Variants in DMXL1 observed in about 807,000 individuals in gnomAD.
DMXL1 encodes Dmx like 1.
A neutral mutation model predicts 319.2 loss-of-function variants in DMXL1; 99 were observed. The observed-to-expected ratio is 0.31, with a 90% CI of 0.26 to 0.37. The LOEUF (loss-of-function observed/expected upper bound fraction) is 0.37, where lower values mean the gene tolerates loss of function less well. Among genes scored for constraint, DMXL1 ranks in the 10% least tolerant of loss-of-function variants. DMXL1 has a pLI of 1.00. For missense variants in DMXL1, 3,745 were observed against 3,595.6 expected, an observed-to-expected ratio of 1.04 and a Z score of -1.06; for synonymous variants, 1,385 against 1,235.2, an observed-to-expected ratio of 1.12 and a Z score of -2.54.
chr5:119,139,370 T>TC (rs976901939), intron 13 of DMXL1, among the ~76,000 whole-genome samples: 19 of 152,122 alleles, frequency 1.2e-4, no homozygotes, highest in African/African-American at 1.4e-4. Flanking sequence ...TATGTGGTCT[T>TC]CAAGAGACCC....
At chr5:119,147,133 T>C in intron 16 of DMXL1, 116 bp from the exon 17 acceptor site, 1 of 1,108,636 alleles carries the variant, frequency 9.0e-7, no homozygotes, top group East Asian at 2.6e-5. Context: ...AGAATCATAT[T>C]AATATGTTTA....
At chr5:119,087,682 G>A (rs1015453915) in intron 1 of DMXL1, among the ~76,000 whole-genome samples, 7 of 152,154 alleles carry the variant, frequency 4.6e-5, no homozygotes, top group South Asian at 2.1e-4. Flanking sequence ...CTAGTGTATC[G>A]TTTAACTGAT....
rs750577125 is a variant in DMXL1 at position 119,133,552 on chromosome 5, G to C, written c.1628G>C (p.Cys543Ser). The change falls in exon 12 of 44, where the codon TGT becomes TCT. Residue 543 changes from cysteine to serine, a missense_variant. By Grantham distance (112) the Cys-to-Ser change is moderately radical. Transcript: ENST00000539542. ...AFPTGDANSLCKSIMMYACTK... is the reference protein window; with the variant it reads ...AFPTGDANSLSKSIMMYACTK... Reference sequence around the variant, plus strand: ...CCCACAGGTGATGCAAACTCTCTCTGTAAAAGCATAATGATGTATGCCTGT... The same window carrying C: ...CCCACAGGTGATGCAAACTCTCTCTCTAAAAGCATAATGATGTATGCCTGT... 11 of 1,613,644 alleles carry C rather than the reference G, an allele frequency of 6.8e-6. No individual in the cohort carries two copies. Among genetic ancestry groups the C allele is most frequent in the Non-Finnish European group, 9.3e-6 (11 of 1,179,970 alleles).
chr5:119,108,432 AT>A (rs1405557758), intron 4 of DMXL1, among the ~76,000 whole-genome samples: 1 of 150,800 alleles, frequency 6.6e-6, no homozygotes, highest in Admixed American at 6.6e-5. Context: ...TCTTTTTTTC[AT>A]TTTTTCTTGA....
intron 4 of DMXL1, among the ~76,000 whole-genome samples, chr5:119,109,878 T>A (rs1193065511): frequency 2.6e-5 from 4 of 152,188 alleles, no homozygotes; most frequent in Non-Finnish European, 4.4e-5. Flanking sequence ...ACGACAATGT[T>A]TTGTTTGTCA....
chr5:119,183,474 C>A (rs1469194807), intron 28 of DMXL1, among the ~76,000 whole-genome samples: 1 of 152,168 alleles, frequency 6.6e-6, no homozygotes, highest in African/African-American at 2.4e-5. Context: ...GGAATACTTT[C>A]CTTTTCTTTT....
chr5:119,197,643 GTCTT>G (rs1218461778), intron 31 of DMXL1, 108 bp from the exon 32 acceptor site: 2 of 962,822 alleles, frequency 2.1e-6, no homozygotes, highest in Admixed American at 4.8e-5. Context: ...TTTCATCTCA[GTCTT>G]TTTTTTTTTC....
At chr5:119,237,990 A>G (rs940419819) in intron 40 of DMXL1, among the ~76,000 whole-genome samples, 1 of 152,074 alleles carries the variant, frequency 6.6e-6, no homozygotes, top group African/African-American at 2.4e-5. Flanking sequence ...GATTCTGGTA[A>G]TTTGCCCAAG....
intron 4 of DMXL1, 95 bp downstream of exon 4, chr5:119,105,353 G>C (rs577079623): frequency 2.0e-6 from 2 of 983,396 alleles, no homozygotes; most frequent in East Asian, 5.1e-5. Flanking sequence ...TGCTGGGTGT[G>C]AGGTTGTGGG....
rs1389779831 is a variant in DMXL1 at position 119,148,796 on chromosome 5, C to T, written c.2969C>T (p.Thr990Ile). The change falls in exon 18 of 44, where the codon ACT becomes ATT. Residue 990 changes from threonine (T) to isoleucine (I), a missense_variant. Thr to Ile is a moderately conservative substitution (Grantham distance 89, BLOSUM62 -1). Transcript: ENST00000539542. Reference protein sequence around the residue: ...PACSAPYLLATSCSDEKVRFW... With the variant: ...PACSAPYLLAISCSDEKVRFW... ...TGCAGTGCTCCTTATTTATTGGCAA[C>T]TTCATGTTCAGATGAGAAAGTAAGA... The T allele has an allele frequency of 6.2e-7, 1 of 1,613,572 alleles. No individual in the cohort carries two copies. The highest frequency in any genetic ancestry group is 8.5e-7 in the Non-Finnish European group (1 of 1,179,702).
chr5:119,085,456 A>G (rs1050131979), intron 1 of DMXL1, among the ~76,000 whole-genome samples: 5 of 152,054 alleles, frequency 3.3e-5, no homozygotes, highest in African/African-American at 1.2e-4. Context: ...ATTGCTCGCC[A>G]TTGGTGAGCA....
chr5:119,176,838 T>C (rs923391467), intron 26 of DMXL1, among the ~76,000 whole-genome samples: 1 of 152,104 alleles, frequency 6.6e-6, no homozygotes, highest in African/African-American at 2.4e-5. Flanking sequence ...AATTCTCAAA[T>C]TGTGTGAAAT....
In DMXL1 at chr5:119,173,776, G is replaced by GTGTATATATA; in HGVS notation, c.6682-1484_6682-1483insGTATATATAT. Among the ~76,000 whole-genome samples the GTGTATATATA allele has an allele frequency of 9.8e-4, 66 of 67,172 alleles. 6 individuals carry two copies. Among genetic ancestry groups the GTGTATATATA allele is most frequent in the Admixed American group, 5.2e-3 (31 of 5,990 alleles). 44.1% of individuals were successfully genotyped at this position (67,172 alleles called of 152,430 possible). On this transcript the variant is annotated intron_variant, in intron 25 of 43. Transcript: ENST00000539542. ...TGTGTATATATATATATGTGTGTGT[G>GTGTATATATA]TATATATATATATATATATATAATG...
chr5:119,204,250 A>C (rs1781366345), intron 33 of DMXL1, among the ~76,000 whole-genome samples: 2 of 150,962 alleles, frequency 1.3e-5, no homozygotes. Flanking sequence ...CGATCCTCCC[A>C]CCTCAGCCTC....
chr5:119,140,174 G>C (rs1766989815), intron 13 of DMXL1, among the ~76,000 whole-genome samples: 1 of 152,084 alleles, frequency 6.6e-6, no homozygotes, highest in African/African-American at 2.4e-5. Context: ...AAGTCAGAAA[G>C]ATCTCAAACT....
chr5:119,173,744 ATATG>A (rs1314928227), intron 25 of DMXL1, among the ~76,000 whole-genome samples: 38 of 119,794 alleles, frequency 3.2e-4, no homozygotes, highest in African/African-American at 1.3e-3. Context: ...GTGTATATAT[ATATG>A]TGTGTGTATA....
intron 2 of DMXL1, 111 bp downstream of exon 2, chr5:119,098,215 A>G: frequency 7.7e-7 from 1 of 1,297,396 alleles, no homozygotes; most frequent in Non-Finnish European, 1.1e-6. Flanking sequence ...TGTTTCAAAG[A>G]TAGTGTAGCT....
intron 34 of DMXL1, among the ~76,000 whole-genome samples, chr5:119,216,082 G>T (rs1350719937): frequency 1.0e-5 from 1 of 95,630 alleles, no homozygotes; most frequent in Non-Finnish European, 1.8e-5. Context: ...TGGGCGACAA[G>T]AGCATCCATC....
At chr5:119,094,229 G>A (rs969737961) in intron 1 of DMXL1, among the ~76,000 whole-genome samples, 12 of 152,168 alleles carry the variant, frequency 7.9e-5, no homozygotes, top group African/African-American at 2.9e-4. Context: ...CAAAGGACAG[G>A]CTGACTCTTG....
Sources: gnomAD v4.1 joint callset for allele counts (sites outside exome capture counted in the v4.1 genomes callset) on GRCh38, gnomAD v4.1.1 for gene constraint, MANE v1.5 for transcripts, NCBI Gene and HGNC (gene_info 2026-07-23, HGNC 2026-07-21) for gene names.